The following ATIC variants were observed in gnomAD, a reference collection of about 807,000 sequenced individuals.
The protein encoded by ATIC is 5-aminoimidazole-4-carboxamide ribonucleotide formyltransferase/IMP cyclohydrolase.
Under a neutral mutation model 72.5 loss-of-function variants are expected in ATIC, and 64 were observed. That is an observed-to-expected ratio of 0.88 (90% CI 0.72 to 1.09). ATIC has a LOEUF of 1.09. Ranked by LOEUF, ATIC falls within the 50% of genes least tolerant of loss-of-function variation. The pLI, the probability that ATIC is intolerant of heterozygous loss-of-function variation, is 0.00. For missense variants in ATIC, 787 were observed against 732.4 expected (o/e 1.07, Z -0.86); for synonymous variants, 281 against 267.1 (o/e 1.05, Z -0.51).
intron 14 of ATIC, 34 bp from the exon 15 acceptor site, chr2:215,349,060 G>A (rs199989208): frequency 6.2e-7 from 1 of 1,613,418 alleles, no homozygotes; most frequent in Admixed American, 1.7e-5. Flanking sequence ...GACGATGTCA[G>A]ACCAAGCTTC....
In ATIC at chr2:215,319,766, G is replaced by A. The variant is rs749755254; in HGVS notation, c.290+35G>A. 3.9e-6 allele frequency: 6 copies of A among 1,522,542 alleles called. No homozygotes were observed. The Admixed American group carries it at 5.0e-5, about 13-fold the overall frequency. The allele number at this position is 1,522,542 out of a possible 1,614,324, so 94.3% of individuals were successfully genotyped here. ...TGAAATTAAACTTTTAACACATTAC[G>A]AACCAACGACAAAGACTATGCCAAA... On this transcript the variant is annotated intron_variant, in intron 4 of 15. Coordinates refer to ENST00000236959, the MANE Select transcript of ATIC (RefSeq NM_004044.7).
rs548406487 is a variant in ATIC, at chr2:215,340,265, A to T, written c.1227+1358A>T. 6.6e-5 allele frequency among the ~76,000 whole-genome samples: 10 copies of T among 152,314 alleles called. No homozygotes were observed. The East Asian group carries it at 1.7e-3, about 26-fold the overall frequency. ...CTTAGGTCACTCTATGGGGGTGACT[A>T]CCATCGTGTCAATTGTGAAGATCAC... On this transcript the variant is annotated intron_variant, in intron 12 of 15. Coordinates refer to ENST00000236959, the MANE Select transcript of ATIC (RefSeq NM_004044.7).
At chr2:215,355,798 G>T in the ATIC span, among the ~76,000 whole-genome samples, 9 of 152,332 alleles carry the variant, frequency 5.9e-5, no homozygotes, top group African/African-American at 2.2e-4. Context: ...CCACATTCCT[G>T]TGCTTGATTA....
chr2:215,354,710 C>A (rs868146148), downstream of ATIC, among the ~76,000 whole-genome samples: 1 of 151,030 alleles, frequency 6.6e-6, no homozygotes, highest in Non-Finnish European at 1.5e-5. Flanking sequence ...TTCTGGTTTT[C>A]TTTTCCAATT....
chr2:215,317,010 G>A (rs558389220), intron 2 of ATIC, among the ~76,000 whole-genome samples: 7 of 152,098 alleles, frequency 4.6e-5, no homozygotes, highest in Non-Finnish European at 1.0e-4. Context: ...TGATCCATTC[G>A]CCTTGGCCTC....
chr2:215,326,496 G>T, intron 6 of ATIC, among the ~76,000 whole-genome samples: 1 of 151,942 alleles, frequency 6.6e-6, no homozygotes, highest in Non-Finnish European at 1.5e-5. Context: ...TGTAATCCCA[G>T]CTACTCGGGA....
At chr2:215,321,878 TTTCTTGATGGTTTCC>T (rs565793495) in intron 4 of ATIC, among the ~76,000 whole-genome samples, 212 of 152,326 alleles carry the variant, frequency 1.4e-3, no homozygotes, top group African/African-American at 4.8e-3. Flanking sequence ...TGTGTTAGCC[TTTCTTGATGGTTTCC>T]TTTGATCATC....
rs2052919091 is a variant in ATIC, at chr2:215,333,541, GA to G, written c.922+90del. 3 of 1,021,348 alleles carry G rather than the reference GA, an allele frequency of 2.9e-6. No individual in the cohort carries two copies. In the Admixed American group the frequency reaches 7.5e-5, roughly 25 times the overall value. The allele number at this position is 1,021,348 out of a possible 1,614,324, so 63.3% of individuals were successfully genotyped here. On this transcript the variant is annotated intron_variant, in intron 9 of 15. Coordinates refer to ENST00000236959, the MANE Select transcript of ATIC (RefSeq NM_004044.7). ...AATAGAATAAAGAGGATAGAATAAA[GA>G]AAAAATATATAGATATTCTGTATAA...
chr2:215,318,884 CTT>C (rs576388730), intron 3 of ATIC, among the ~76,000 whole-genome samples: 7 of 145,368 alleles, frequency 4.8e-5, no homozygotes, highest in Admixed American at 6.9e-5. Flanking sequence ...ATATATCTCT[CTT>C]TTTTTTTTTT....
chr2:215,319,591 A>C (rs1018320990), intron 3 of ATIC, 74 bp from the exon 4 acceptor site: 3 of 1,077,970 alleles, frequency 2.8e-6, no homozygotes, highest in Non-Finnish European at 4.3e-6. Flanking sequence ...GATTGAAGAC[A>C]CTATGTTGAA....
the ATIC span, among the ~76,000 whole-genome samples, chr2:215,363,906 C>T: frequency 6.6e-6 from 1 of 152,204 alleles, no homozygotes; most frequent in Non-Finnish European, 1.5e-5. Flanking sequence ...TAAGCCACTT[C>T]TTCCCATCTA....
rs1283395048 is a variant in ATIC, at chr2:215,349,587, G to A, written c.1711G>A (p.Val571Met). Residue 571 changes from valine (V) to methionine (M), a missense_variant, in exon 16 of 16, where the codon GTG becomes ATG. Transcript: ENST00000236959. ...APSGSAADKV[V>M]IEACDELGII... ...CTCCGGTTCTGCTGCTGACAAAGTT[G>A]TGATTGAGGCCTGCGACGAACTGGG... The A allele has an allele frequency of 1.2e-6, 2 of 1,614,192 alleles. No homozygotes were observed. The highest frequency in any genetic ancestry group is 1.6e-4 in the Middle Eastern group (1 of 6,062).
Position 215,326,014 on chromosome 2 carries a change from C to G in ATIC, c.407C>G (p.Ala136Gly). 1 of 1,614,108 alleles carries G rather than the reference C, an allele frequency of 6.2e-7. No homozygotes were observed. The highest frequency in any genetic ancestry group is 8.5e-7 in the Non-Finnish European group (1 of 1,180,002). The change falls in exon 6 of 16, where the codon GCC (alanine) becomes GGC (glycine). Residue 136 changes from alanine to glycine, a missense_variant. Physicochemically the swap from Ala to Gly is moderately conservative, Grantham distance 60. Transcript: ENST00000236959. ...IGGVTLLRAA[A>G]KNHARVTVVC... Reference sequence around the variant, plus strand: ...GGAGTAACCTTACTGAGAGCTGCAGCCAAAAACCACGCTCGAGTGACAGTG... The same window carrying G: ...GGAGTAACCTTACTGAGAGCTGCAGGCAAAAACCACGCTCGAGTGACAGTG...
At chr2:215,331,240 A>C (rs13004562) in intron 7 of ATIC, among the ~76,000 whole-genome samples, 71,291 of 151,392 alleles carry the variant, frequency 0.47, 18,373 homozygotes, top group East Asian at 0.78. Flanking sequence ...GGTTGCAGGG[A>C]CGGTTTTTTT....
Position 215,349,551 on chromosome 2 carries a change from A to G in ATIC, c.1675A>G (p.Ile559Val). ...CTTCCCCCAGAGTGGTGTGGCGTAC[A>G]TTGCGGCTCCCTCCGGTTCTGCTGC... ...DRAKRSGVAY[I>V]AAPSGSAADK... Residue 559 changes from isoleucine to valine, a missense_variant, in exon 16 of 16, where the codon ATT becomes GTT. Physicochemically the swap from Ile to Val is conservative, Grantham distance 29. Transcript: ENST00000236959. The G allele has an allele frequency of 3.1e-6, 5 of 1,614,142 alleles. No individual in the cohort carries two copies. Among genetic ancestry groups the G allele is most frequent in the East Asian group, 2.2e-5 (1 of 44,874 alleles).
Position 215,338,784 on chromosome 2 carries a change from C to G in ATIC, c.1104C>G (p.Asp368Glu), listed in dbSNP as rs754653713. 2.5e-6 allele frequency: 4 copies of G among 1,613,204 alleles called. No individual in the cohort carries two copies. The highest frequency in any genetic ancestry group is 2.7e-5 in the African/African-American group (2 of 74,872). The stretch of plus-strand genomic sequence containing the variant: ...TTTTAAAATTTGTATTTTAGATGGA[C>G]CAATCTTACAAACCAGATGAAAATG... The part of the protein sequence containing the change: ...KNGNYCVLQM[D>E]QSYKPDENEV... The change falls in exon 12 of 16, where the codon GAC (aspartate) becomes GAG (glutamate). Residue 368 changes from aspartate to glutamate, a missense_variant. By Grantham distance (45) the Asp-to-Glu change is conservative. Coordinates refer to ENST00000236959, the MANE Select transcript of ATIC (RefSeq NM_004044.7).
chr2:215,326,810 C>G lies in ATIC; in HGVS notation c.532-12C>G, dbSNP rs78562722. 13 of 1,613,564 alleles carry G rather than the reference C, an allele frequency of 8.1e-6. No homozygotes were observed. The highest frequency in any genetic ancestry group is 1.7e-5 in the Admixed American group (1 of 59,944). ...TGCTGCTCGTGTCTCACAAAACTTA[C>G]GCTTTTTGTAGGCATTCACTCATAC... On this transcript the variant is annotated splice_polypyrimidine_tract_variant and intron_variant, in intron 6 of 15. Transcript: ENST00000236959.
intron 3 of ATIC, 151 bp from the exon 4 acceptor site, chr2:215,319,514 G>A (rs1043442993): frequency 4.7e-6 from 3 of 637,344 alleles, no homozygotes; most frequent in African/African-American, 3.7e-5. Flanking sequence ...CTACAATCCA[G>A]CCTGGGCGAT....
the ATIC span, among the ~76,000 whole-genome samples, chr2:215,359,260 T>C: frequency 6.6e-6 from 1 of 152,184 alleles, no homozygotes; most frequent in African/African-American, 2.4e-5. Flanking sequence ...AGTCTCAACC[T>C]AAAGCTGCTC....
Sources: gnomAD v4.1 joint callset for allele counts (sites outside exome capture counted in the v4.1 genomes callset) on GRCh38, gnomAD v4.1.1 for gene constraint, MANE v1.5 for transcripts, NCBI Gene and HGNC (gene_info 2026-07-23, HGNC 2026-07-21) for gene names.